CNTNAP2: variants seen among roughly 807,000 people sequenced by gnomAD.
CNTNAP2 encodes the protein contactin associated protein 2, also known as contactin-associated protein-like 2.
Under a neutral mutation model 155.2 loss-of-function variants are expected in CNTNAP2, and 98 were observed. The observed-to-expected ratio is 0.63, with a 90% CI of 0.54 to 0.75. The LOEUF is 0.75. Among genes scored for constraint, CNTNAP2 ranks in the 30% least tolerant of loss-of-function variants. CNTNAP2 has a pLI of 0.00. For synonymous variants in CNTNAP2, 651 were observed against 631.2 expected, an observed-to-expected ratio of 1.03 and a Z score of -0.47; for missense variants, 1,727 against 1,688.1, an observed-to-expected ratio of 1.02 and a Z score of -0.40.
intron 21 of CNTNAP2, among the ~76,000 whole-genome samples, chr7:148,374,669 G>C (rs563997032): frequency 6.6e-6 from 1 of 152,290 alleles, no homozygotes; most frequent in Non-Finnish European, 1.5e-5. Context: ...ATTTCAGTTG[G>C]TAATTTCGTA....
At chr7:146,163,505 ATC>A (rs1371058350) in intron 1 of CNTNAP2, among the ~76,000 whole-genome samples, 1 of 43,232 alleles carries the variant, frequency 2.3e-5, no homozygotes, top group Non-Finnish European at 4.5e-5. Flanking sequence ...ATATCTATAT[ATC>A]TATATATATC....
At chr7:146,194,419 G>A (rs1798748269) in intron 1 of CNTNAP2, among the ~76,000 whole-genome samples, 1 of 152,114 alleles carries the variant, frequency 6.6e-6, no homozygotes, top group South Asian at 2.1e-4. Flanking sequence ...ACGTTTGCAG[G>A]GAAATTTCCC....
chr7:147,155,237 G>A (rs188593770), intron 8 of CNTNAP2, among the ~76,000 whole-genome samples: 1 of 152,232 alleles, frequency 6.6e-6, no homozygotes, highest in Non-Finnish European at 1.5e-5. Flanking sequence ...GCCATGTGAG[G>A]ACACAGTGAG....
chr7:146,837,167 C>T, intron 2 of CNTNAP2, among the ~76,000 whole-genome samples: 1 of 152,036 alleles, frequency 6.6e-6, no homozygotes, highest in East Asian at 1.9e-4. Context: ...TCTCTGTCAT[C>T]TCTGCTTGTA....
chr7:147,987,171 A>T (rs976376394), intron 15 of CNTNAP2, among the ~76,000 whole-genome samples: 1 of 152,174 alleles, frequency 6.6e-6, no homozygotes, highest in Non-Finnish European at 1.5e-5. Context: ...GTCAGGTCCA[A>T]TTACAAATGC....
chr7:148,349,938 G>A (rs1798398474), intron 21 of CNTNAP2, among the ~76,000 whole-genome samples: 1 of 152,170 alleles, frequency 6.6e-6, no homozygotes, highest in Non-Finnish European at 1.5e-5. Context: ...TTAGCGAGAG[G>A]GCCTCACAGG....
chr7:147,539,544 T>C (rs17170583), intron 11 of CNTNAP2, among the ~76,000 whole-genome samples: 35,104 of 152,040 alleles, frequency 0.23, 4,227 homozygotes, highest in East Asian at 0.37. Flanking sequence ...CTAAACAAAT[T>C]GAGATTCTTG....
At chr7:146,726,164 A>G (rs1432731924) in intron 1 of CNTNAP2, among the ~76,000 whole-genome samples, 1 of 152,226 alleles carries the variant, frequency 6.6e-6, no homozygotes, top group Non-Finnish European at 1.5e-5. Flanking sequence ...TCTACAGTGT[A>G]TCATTGGTAT....
chr7:146,975,407 G>A (rs1360841895), intron 3 of CNTNAP2, among the ~76,000 whole-genome samples: 1 of 152,208 alleles, frequency 6.6e-6, no homozygotes, highest in Non-Finnish European at 1.5e-5. Flanking sequence ...AGAGGTTAAA[G>A]TGAGCCAAGA....
rs1285776111 is a variant in CNTNAP2, at chr7:147,083,660, TA to T, written c.551-24486del. ...GTGTATATATCTATAATGCTATATATACATATATAATACATATTATATATGA... is the reference window on the plus strand; with the variant it reads ...GTGTATATATCTATAATGCTATATATCATATATAATACATATTATATATGA... On this transcript the variant is annotated intron_variant, in intron 4 of 23. Transcript: ENST00000361727. Among the ~76,000 whole-genome samples the T allele has an allele frequency of 1.3e-4, 18 of 143,998 alleles. No individual in the cohort carries two copies. The East Asian group carries it at 2.4e-3, about 19-fold the overall frequency. 94.5% of individuals were successfully genotyped at this position (143,998 alleles called of 152,430 possible).
chr7:146,436,160 T>A (rs1009523412), intron 1 of CNTNAP2, among the ~76,000 whole-genome samples: 1 of 152,140 alleles, frequency 6.6e-6, no homozygotes, highest in African/African-American at 2.4e-5. Flanking sequence ...CTCCTAGCAA[T>A]ACTCTTAGAA....
chr7:147,855,299 T>A (rs1166812009), intron 13 of CNTNAP2, among the ~76,000 whole-genome samples: 1 of 152,172 alleles, frequency 6.6e-6, no homozygotes, highest in Admixed American at 6.5e-5. Flanking sequence ...TTTGTGTCTC[T>A]GCATGACTTC....
At chr7:147,978,711 C>T (rs139802242) in intron 15 of CNTNAP2, among the ~76,000 whole-genome samples, 190 of 152,238 alleles carry the variant, frequency 1.2e-3, no homozygotes, top group African/African-American at 4.0e-3. Context: ...GATTCTGCAG[C>T]GAGCATCCTG....
intron 9 of CNTNAP2, among the ~76,000 whole-genome samples, chr7:147,302,388 T>C (rs1000398433): frequency 2.6e-5 from 4 of 152,222 alleles, no homozygotes; most frequent in African/African-American, 9.6e-5. Context: ...ATGAGGTCTT[T>C]ATGGTGTGCT....
chr7:146,202,143 A>T (rs958382064), intron 1 of CNTNAP2, among the ~76,000 whole-genome samples: 1 of 152,174 alleles, frequency 6.6e-6, no homozygotes, highest in Non-Finnish European at 1.5e-5. Flanking sequence ...AGGGGCTCAC[A>T]TCACATCATG....
intron 1 of CNTNAP2, among the ~76,000 whole-genome samples, chr7:146,274,998 C>T (rs1166155869): frequency 6.6e-6 from 1 of 152,166 alleles, no homozygotes; most frequent in Non-Finnish European, 1.5e-5. Context: ...GCTTTTGGCA[C>T]TTAATAAGCT....
At chr7:146,548,359 G>A (rs1269612054) in intron 1 of CNTNAP2, among the ~76,000 whole-genome samples, 1 of 151,892 alleles carries the variant, frequency 6.6e-6, no homozygotes, top group Non-Finnish European at 1.5e-5. Context: ...TCTTTATCTG[G>A]TCTATCGCAG....
intron 9 of CNTNAP2, among the ~76,000 whole-genome samples, chr7:147,386,639 C>T (rs2116941227): frequency 6.6e-6 from 1 of 152,240 alleles, no homozygotes; most frequent in South Asian, 2.1e-4. Flanking sequence ...TTTCATTGTC[C>T]ATATCATTAT....
intron 13 of CNTNAP2, among the ~76,000 whole-genome samples, chr7:147,850,612 A>G (rs1798918063): frequency 6.6e-6 from 1 of 152,342 alleles, no homozygotes; most frequent in Non-Finnish European, 1.5e-5. Flanking sequence ...ATCAGAAATA[A>G]CACCACACAT....
Sources: gnomAD v4.1 joint callset for allele counts (sites outside exome capture counted in the v4.1 genomes callset) on GRCh38, gnomAD v4.1.1 for gene constraint, MANE v1.5 for transcripts, NCBI Gene and HGNC (gene_info 2026-07-23, HGNC 2026-07-21) for gene names.